PDLIM5: variants seen among roughly 807,000 people sequenced by gnomAD.
PDLIM5 encodes the protein PDZ and LIM domain protein 5.
A neutral mutation model predicts 64.2 loss-of-function variants in PDLIM5; 34 were observed. The ratio of observed to expected loss-of-function variants is 0.53; its 90% confidence interval spans 0.40 to 0.71. PDLIM5 has a LOEUF of 0.71. PDLIM5 is among the 30% of genes least tolerant of loss of function. The pLI, the probability that PDLIM5 is intolerant of heterozygous loss-of-function variation, is 0.00. For missense variants in PDLIM5, 683 were observed against 733.6 expected, an observed-to-expected ratio of 0.93 and a Z score of 0.80; for synonymous variants, 253 against 269.1, an observed-to-expected ratio of 0.94 and a Z score of 0.59.
intron 5 of PDLIM5, among the ~76,000 whole-genome samples, chr4:94,585,337 A>G (rs998000088): frequency 7.9e-5 from 12 of 152,076 alleles, no homozygotes; most frequent in Non-Finnish European, 1.5e-4. Context: ...TGATCCGCCC[A>G]CCTCAGCCTC....
intron 4 of PDLIM5, among the ~76,000 whole-genome samples, chr4:94,574,423 G>A (rs1365841820): frequency 1.3e-5 from 2 of 151,094 alleles, no homozygotes; most frequent in South Asian, 2.1e-4. Context: ...ACTTGAACCC[G>A]GGAAGTGGAG....
intron 2 of PDLIM5, among the ~76,000 whole-genome samples, chr4:94,523,132 T>C (rs2639800): frequency 0.7 from 105,989 of 152,074 alleles, 40,888 homozygotes; most frequent in East Asian, 0.85. Flanking sequence ...GTCTCAGATA[T>C]AAAGAGTTTC....
Position 94,662,507 on chromosome 4 carries a change from C to A in PDLIM5, c.1671C>A (p.Tyr557Ter). Residue 557 changes from tyrosine to a stop codon, truncating the protein, a stop_gained, in exon 12 of 13, where the codon TAC becomes TAA. Coordinates refer to ENST00000317968, the MANE Select transcript of PDLIM5 (RefSeq NM_006457.5). LOFTEE classifies it high-confidence loss of function. ...ACATGTTCCTGGAAGCTCTGGGCTA[C>A]ACCTGGCATGACACTTGCTTTGTAT... ...AGDMFLEALG[Y>*]TWHDTCFVCS... The A allele has an allele frequency of 6.2e-7, 1 of 1,600,204 alleles. No individual in the cohort carries two copies. Among genetic ancestry groups the A allele is most frequent in the Non-Finnish European group, 8.6e-7 (1 of 1,167,318 alleles).
intron 3 of PDLIM5, among the ~76,000 whole-genome samples, chr4:94,540,878 A>C (rs763165688): frequency 1.3e-5 from 2 of 152,190 alleles, no homozygotes; most frequent in Non-Finnish European, 2.9e-5. Context: ...ATTGTTGTGC[A>C]GTTACAAAAA....
intron 2 of PDLIM5, among the ~76,000 whole-genome samples, chr4:94,457,439 A>C (rs868143628): frequency 6.6e-6 from 1 of 152,122 alleles, no homozygotes; most frequent in Admixed American, 6.5e-5. Context: ...CTGATGATCT[A>C]TTATGGGAAC....
At chr4:94,567,980 C>G (rs1416555177) in intron 3 of PDLIM5, among the ~76,000 whole-genome samples, 1 of 152,138 alleles carries the variant, frequency 6.6e-6, no homozygotes, top group Non-Finnish European at 1.5e-5. Context: ...AAGGTAGTGT[C>G]CTGCAACCAC....
At chr4:94,494,429 C>CTTTTTTTTTTTTTTTTTTTTTTTTTT (rs1261064734) in intron 2 of PDLIM5, among the ~76,000 whole-genome samples, 1 of 51,600 alleles carries the variant, frequency 1.9e-5, no homozygotes, top group African/African-American at 4.8e-5. Flanking sequence ...TTTTTTTTTT[C>CTTTTTTTTTTTTTTTTTTTTTTTTTT]TTGTTTTTTT....
In PDLIM5 at chr4:94,665,793, A is replaced by C. The variant is rs1156478768; in HGVS notation, c.*1726A>C. The C allele has an allele frequency of 3.1e-6, 4 of 1,282,160 alleles. No homozygotes were observed. In the East Asian group the frequency reaches 1.2e-4, roughly 39 times the overall value. The allele number at this position is 1,282,160 out of a possible 1,614,324, so 79.4% of individuals were successfully genotyped here. ...TCAATAATAAGTGAACCAATTTCAAATGTGATCACAAAGTTTGGAAAGCTT... is the reference window on the plus strand; with the variant it reads ...TCAATAATAAGTGAACCAATTTCAACTGTGATCACAAAGTTTGGAAAGCTT... On this transcript the variant is annotated 3_prime_UTR_variant, in exon 13 of 13. Transcript: ENST00000317968.
At position 94,625,153 on chromosome 4, in the gene PDLIM5, C is replaced by T. The variant is rs531891671; in HGVS notation, c.1108+6962C>T. Among the ~76,000 whole-genome samples, 4 of 152,212 alleles carry T rather than the reference C, an allele frequency of 2.6e-5. No individual in the cohort carries two copies. In the South Asian group the frequency reaches 8.3e-4, roughly 32 times the overall value. On this transcript the variant is annotated intron_variant, in intron 8 of 12. Transcript: ENST00000317968. ...TTTTAACCATTGCCCTCTCTGGGAACTTGACTCCCTATAGAGTACCTATGT... is the reference window on the plus strand; with the variant it reads ...TTTTAACCATTGCCCTCTCTGGGAATTTGACTCCCTATAGAGTACCTATGT...
intron 8 of PDLIM5, among the ~76,000 whole-genome samples, chr4:94,628,672 G>T (rs2110426978): frequency 6.6e-6 from 1 of 152,146 alleles, no homozygotes. Flanking sequence ...GTGGGAAAAT[G>T]GTAAAAGCCA....
In PDLIM5 at chr4:94,667,786, C is replaced by G. The variant is rs980082014; in HGVS notation, c.*3719C>G. The G allele has an allele frequency of 6.6e-6, 1 of 152,058 alleles. No individual in the cohort carries two copies. 9.4% of individuals were successfully genotyped at this position (152,058 alleles called of 1,614,324 possible). ...GCATTATGTTTAAAATAATCTACAACAAAAATGTACCATTTTCAAGCAGTA... is the reference window on the plus strand; with the variant it reads ...GCATTATGTTTAAAATAATCTACAAGAAAAATGTACCATTTTCAAGCAGTA... On this transcript the variant is annotated 3_prime_UTR_variant, in exon 13 of 13. Coordinates refer to ENST00000317968, the MANE Select transcript of PDLIM5 (RefSeq NM_006457.5).
chr4:94,586,359 G>T, intron 6 of PDLIM5, 49 bp from the exon 7 acceptor site: 1 of 1,009,866 alleles, frequency 9.9e-7, no homozygotes, highest in Non-Finnish European at 1.5e-6. Context: ...AAGTGATTTT[G>T]AAGTTAAACA....
At chr4:94,608,550 A>G (rs1047560331) in intron 7 of PDLIM5, among the ~76,000 whole-genome samples, 3 of 152,170 alleles carry the variant, frequency 2.0e-5, no homozygotes, top group Non-Finnish European at 4.4e-5. Flanking sequence ...AGATACTCAG[A>G]TAAGTAACTG....
At chr4:94,612,147 GGCAGAAGTT>G (rs1738418750) in intron 7 of PDLIM5, among the ~76,000 whole-genome samples, 1 of 152,140 alleles carries the variant, frequency 6.6e-6, no homozygotes, top group African/African-American at 2.4e-5. Flanking sequence ...GAACCCGGGA[GGCAGAAGTT>G]GCAGTGAGCC....
intron 2 of PDLIM5, among the ~76,000 whole-genome samples, chr4:94,496,241 G>A (rs908794594): frequency 1.3e-5 from 2 of 151,844 alleles, no homozygotes; most frequent in African/African-American, 4.8e-5. Flanking sequence ...TTATTTTGTA[G>A]GTAAAAAAAT....
At chr4:94,522,295 A>C (rs1204328638) in intron 2 of PDLIM5, among the ~76,000 whole-genome samples, 1 of 152,214 alleles carries the variant, frequency 6.6e-6, no homozygotes, top group East Asian at 1.9e-4. Flanking sequence ...GTTTTCTTTA[A>C]ATGTTTTCTA....
At chr4:94,487,382 A>G (rs1726444911) in intron 2 of PDLIM5, among the ~76,000 whole-genome samples, 2 of 152,190 alleles carry the variant, frequency 1.3e-5, no homozygotes, top group South Asian at 4.1e-4. Context: ...ATGTAATTTG[A>G]GTGTAAGATA....
intron 3 of PDLIM5, among the ~76,000 whole-genome samples, chr4:94,527,417 A>G (rs894093405): frequency 1.3e-5 from 2 of 151,934 alleles, no homozygotes; most frequent in African/African-American, 4.8e-5. Context: ...CAACCAGATT[A>G]CTCTGAATTC....
At chr4:94,590,898 G>A (rs1034071082) in intron 7 of PDLIM5, among the ~76,000 whole-genome samples, 1 of 152,122 alleles carries the variant, frequency 6.6e-6, no homozygotes, top group Non-Finnish European at 1.5e-5. Flanking sequence ...AAGAAGCAGG[G>A]AGGTTAGTCA....
Sources: gnomAD v4.1 joint callset for allele counts (sites outside exome capture counted in the v4.1 genomes callset) on GRCh38, gnomAD v4.1.1 for gene constraint, MANE v1.5 for transcripts, NCBI Gene and HGNC (gene_info 2026-07-23, HGNC 2026-07-21) for gene names.